CNTNAP2: variants seen among roughly 807,000 people sequenced by gnomAD.
CNTNAP2 encodes contactin associated protein 2, also known as contactin-associated protein-like 2.
CNTNAP2 carries 98 observed loss-of-function variants against 155.2 expected under a neutral mutation model. The ratio of observed to expected loss-of-function variants is 0.63; its 90% CI spans 0.54 to 0.75. CNTNAP2 has a LOEUF of 0.75. Ranked by LOEUF, CNTNAP2 falls within the 30% of genes least tolerant of loss-of-function variation. CNTNAP2 has a pLI of 0.00. For synonymous variants in CNTNAP2, 651 were observed against 631.2 expected (o/e 1.03, Z -0.47); for missense variants, 1,727 against 1,688.1 (o/e 1.02, Z -0.40).
intron 1 of CNTNAP2, among the ~76,000 whole-genome samples, chr7:146,675,004 T>A (rs944142668): frequency 6.6e-6 from 1 of 152,178 alleles, no homozygotes; most frequent in Admixed American, 6.5e-5. Context: ...CTTAAAATAC[T>A]CCTTATGCTA....
At chr7:147,540,446 C>G (rs1799619594) in intron 11 of CNTNAP2, among the ~76,000 whole-genome samples, 2 of 152,156 alleles carry the variant, frequency 1.3e-5, no homozygotes, top group Admixed American at 6.6e-5. Context: ...AACAAGTCTG[C>G]CTATATTGTT....
intron 13 of CNTNAP2, among the ~76,000 whole-genome samples, chr7:147,875,386 C>G (rs764597299): frequency 3.7e-4 from 57 of 152,148 alleles, no homozygotes; most frequent in Non-Finnish European, 2.9e-4. Context: ...ATAAAATCAA[C>G]AGATCGTGTG....
intron 8 of CNTNAP2, among the ~76,000 whole-genome samples, chr7:147,145,065 G>A (rs975210680): frequency 1.3e-5 from 2 of 152,170 alleles, no homozygotes; most frequent in African/African-American, 4.8e-5. Context: ...CAGAATTATA[G>A]CTCATCTAAA....
intron 13 of CNTNAP2, among the ~76,000 whole-genome samples, chr7:147,817,809 G>A (rs1316024842): frequency 2.0e-5 from 3 of 151,326 alleles, no homozygotes; most frequent in Non-Finnish European, 2.9e-5. Context: ...AGAGGTTGAG[G>A]CAGGAGAATG....
intron 1 of CNTNAP2, among the ~76,000 whole-genome samples, chr7:146,493,574 T>A (rs1797170102): frequency 6.6e-6 from 1 of 152,064 alleles, no homozygotes; most frequent in Non-Finnish European, 1.5e-5. Flanking sequence ...AGAAATTAGG[T>A]TTCTGGGACA....
intron 3 of CNTNAP2, among the ~76,000 whole-genome samples, chr7:146,907,606 A>G (rs1319314951): frequency 6.7e-6 from 1 of 149,884 alleles, no homozygotes; most frequent in African/African-American, 2.5e-5. Flanking sequence ...ATGCTGAGAG[A>G]TTTTGTCACC....
chr7:147,377,034 A>T (rs1462574867), intron 9 of CNTNAP2, among the ~76,000 whole-genome samples: 2 of 151,932 alleles, frequency 1.3e-5, no homozygotes, highest in Admixed American at 6.6e-5. Flanking sequence ...TGCTAGATTT[A>T]AGAAAAAATC....
intron 1 of CNTNAP2, among the ~76,000 whole-genome samples, chr7:146,722,040 A>G (rs1801345732): frequency 1.3e-5 from 2 of 150,132 alleles, no homozygotes; most frequent in Admixed American, 1.3e-4. Flanking sequence ...GGTGCCGGCT[A>G]CCATGCCTGG....
intron 9 of CNTNAP2, among the ~76,000 whole-genome samples, chr7:147,370,211 G>T (rs1796318668): frequency 6.6e-6 from 1 of 152,178 alleles, no homozygotes; most frequent in Non-Finnish European, 1.5e-5. Context: ...ATATTTGTGT[G>T]TACTTAAATA....
intron 7 of CNTNAP2, among the ~76,000 whole-genome samples, chr7:147,129,859 A>C (rs1177180987): frequency 6.6e-6 from 1 of 152,208 alleles, no homozygotes; most frequent in Non-Finnish European, 1.5e-5. Context: ...AAGTAATCAT[A>C]AATTTATACT....
intron 18 of CNTNAP2, among the ~76,000 whole-genome samples, chr7:148,181,192 A>G (rs1795032596): frequency 6.6e-6 from 1 of 152,112 alleles, no homozygotes; most frequent in South Asian, 2.1e-4. Context: ...CATGTAGAGG[A>G]CGTATCATGG....
At chr7:148,302,813 CTTTTTT>C (rs59354674) in intron 21 of CNTNAP2, among the ~76,000 whole-genome samples, 6 of 86,940 alleles carry the variant, frequency 6.9e-5, no homozygotes, top group Admixed American at 1.7e-4. Flanking sequence ...CTCGATTATT[CTTTTTT>C]TTTTTTTTTT....
chr7:147,818,129 ATAT>A (rs1198872638), intron 13 of CNTNAP2, among the ~76,000 whole-genome samples: 1 of 151,962 alleles, frequency 6.6e-6, no homozygotes, highest in Non-Finnish European at 1.5e-5. Context: ...AAGAGGTATA[ATAT>A]TATTGTGTGG....
intron 15 of CNTNAP2, among the ~76,000 whole-genome samples, chr7:147,981,817 G>GTGTGTGTGTGT (rs758963411): frequency 4.3e-5 from 6 of 139,020 alleles, no homozygotes; most frequent in African/African-American, 7.8e-5. Flanking sequence ...GTGTGTGTGT[G>GTGTGTGTGTGT]GTTTTTTTTT....
In CNTNAP2 at chr7:148,147,773, A is replaced by T. The variant is rs1356420673; in HGVS notation, c.2773+64A>T. ...ATTTTTAAGAGCCTGCACAATACAA[A>T]AAAAAAAAAAAATCAGCCTATGCAA... On this transcript the variant is annotated intron_variant, in intron 17 of 23. Coordinates refer to ENST00000361727, the MANE Select transcript of CNTNAP2 (RefSeq NM_014141.6). 6.3e-6 allele frequency: 8 copies of T among 1,276,986 alleles called. No individual in the cohort carries two copies. In the Admixed American group the frequency reaches 9.4e-5, roughly 15 times the overall value. 79.1% of individuals were successfully genotyped at this position (1,276,986 alleles called of 1,614,324 possible). A position where few individuals can be genotyped will look rare whatever the true frequency, so the allele number is the denominator to read the frequency against.
intron 1 of CNTNAP2, among the ~76,000 whole-genome samples, chr7:146,312,018 T>A (rs1800833707): frequency 6.6e-6 from 1 of 152,176 alleles, no homozygotes; most frequent in Non-Finnish European, 1.5e-5. Flanking sequence ...TTCTAAGGAT[T>A]TTCAATGAGA....
intron 16 of CNTNAP2, among the ~76,000 whole-genome samples, chr7:148,141,914 T>C (rs1229269613): frequency 6.6e-6 from 1 of 152,066 alleles, no homozygotes; most frequent in Non-Finnish European, 1.5e-5. Flanking sequence ...GAAAGTCCTA[T>C]GTGGTGGAAT....
Position 147,699,676 on chromosome 7 carries a change from G to A in CNTNAP2, c.2098+60370G>A, listed in dbSNP as rs144353680. ...AGTTTTTCATTTTATTTTTAATTTT[G>A]TATTGATGTGAAAGTCACAAAATAT... On this transcript the variant is annotated intron_variant, in intron 13 of 23. Coordinates refer to ENST00000361727, the MANE Select transcript of CNTNAP2 (RefSeq NM_014141.6). Among the ~76,000 whole-genome samples, 818 of 152,134 alleles carry A rather than the reference G, an allele frequency of 5.4e-3. 11 individuals are homozygous for A. The highest frequency in any genetic ancestry group is 0.019 in the African/African-American group (774 of 41,508).
chr7:147,743,722 G>A (rs972905704), intron 13 of CNTNAP2, among the ~76,000 whole-genome samples: 2 of 151,004 alleles, frequency 1.3e-5, no homozygotes, highest in African/African-American at 4.9e-5. Flanking sequence ...TGAGCAGCTA[G>A]ACTGACCTCT....
Sources: allele counts gnomAD v4.1 joint callset (sites outside exome capture counted in the v4.1 genomes callset), GRCh38; gene constraint gnomAD v4.1.1; transcripts MANE v1.5; gene names NCBI Gene and HGNC (gene_info 2026-07-23, HGNC 2026-07-21).